Variants in CHAD observed in about 807,000 individuals in gnomAD.
CHAD encodes the protein chondroadherin, also known as cartilage leucine-rich protein.
Under a neutral mutation model 24.0 loss-of-function variants are expected in CHAD, and 18 were observed. That is an observed-to-expected ratio of 0.75 (90% CI 0.52 to 1.11). The LOEUF (loss-of-function observed/expected upper bound fraction) is 1.11, where lower values mean the gene tolerates loss of function less well. Among genes scored for constraint, CHAD ranks in the 50% most tolerant of loss-of-function variants. The pLI, the probability that CHAD is intolerant of heterozygous loss-of-function variation, is 0.00. For missense variants in CHAD, 440 were observed against 467.2 expected (o/e 0.94, Z 0.54); for synonymous variants, 195 against 211.6 (o/e 0.92, Z 0.68).
intron 1 of CHAD, 175 bp downstream of exon 1, chr17:50,467,865 T>G: frequency 3.1e-5 from 18 of 580,024 alleles, no homozygotes; most frequent in South Asian, 5.5e-5. Context: ...CAGACAGGGA[T>G]TAGGGTAGGG....
Position 50,468,095 on chromosome 17 carries a change from T to C in CHAD, c.719A>G (p.Gln240Arg). The change falls in exon 1 of 4, where the codon CAG becomes CGG. Residue 240 changes from glutamine to arginine, a missense_variant. Physicochemically the swap from Gln to Arg is conservative, Grantham distance 43. Transcript: ENST00000508540. Reference protein sequence around the residue: ...PLKSIPDNAFQSFGRYLETLW... With the variant: ...PLKSIPDNAFRSFGRYLETLW... ...GGTCTCCAGGTATCTGCCAAAGGAC[T>C]GGAAGGCATTGTCCGGGATGCTTTT... 6.2e-7 allele frequency: 1 copy of C among 1,613,402 alleles called. No individual in the cohort carries two copies. The highest frequency in any genetic ancestry group is 8.5e-7 in the Non-Finnish European group (1 of 1,179,560).
At chr17:50,466,508 A>T (rs963426974) in intron 1 of CHAD, among the ~76,000 whole-genome samples, 6 of 152,194 alleles carry the variant, frequency 3.9e-5, no homozygotes, top group Non-Finnish European at 8.8e-5. Context: ...TTCCCCTGGC[A>T]CCACAATCCC....
chr17:50,467,732 G>A (rs926541769), intron 1 of CHAD: 14 of 299,974 alleles, frequency 4.7e-5, no homozygotes, highest in African/African-American at 3.0e-4. Context: ...AGAGGTGGCT[G>A]CTGCTCACAG....
Position 50,464,765 on chromosome 17 carries a change from GACTT to G in CHAD, c.*285_*288del. 4 of 236,912 alleles carry G rather than the reference GACTT, an allele frequency of 1.7e-5. No homozygotes were observed. The highest frequency in any genetic ancestry group is 2.9e-5 in the South Asian group (1 of 33,920). 14.7% of individuals were successfully genotyped at this position (236,912 alleles called of 1,614,324 possible). On this transcript the variant is annotated 3_prime_UTR_variant, in exon 4 of 4. Transcript: ENST00000508540. ...TGACCAACCTGTTGTGGTTCTGATT[GACTT>G]GGGGGGGGGGTCTCAGCAACAGCTT...
In CHAD at chr17:50,468,470, C is replaced by T. The variant is rs778972579; in HGVS notation, c.344G>A (p.Arg115His). Residue 115 changes from arginine to histidine, a missense_variant, in exon 1 of 4, where the codon CGC (arginine) becomes CAC (histidine). Physicochemically the swap from Arg to His is conservative, Grantham distance 29. Coordinates refer to ENST00000508540, the MANE Select transcript of CHAD (RefSeq NM_001267.3). ...GGTCAGGTCGTCGAAGGCACCTGCG[C>T]GCAGCACGCGGATGTCGTTATGGGA... ...YLSHNDIRVL[R>H]AGAFDDLTEL... 11 of 1,614,100 alleles carry T rather than the reference C, an allele frequency of 6.8e-6. No homozygotes were observed. The highest frequency in any genetic ancestry group is 8.5e-6 in the Non-Finnish European group (10 of 1,180,044).
chr17:50,468,574 C>CAATG lies in CHAD; in HGVS notation c.236_239dup (p.Leu80PhefsTer31). The CAATG allele has an allele frequency of 1.9e-6, 3 of 1,614,222 alleles. No individual in the cohort carries two copies. Among genetic ancestry groups the CAATG allele is most frequent in the Non-Finnish European group, 2.5e-6 (3 of 1,180,012 alleles). On this transcript the variant is annotated frameshift_variant, in exon 1 of 4. Coordinates refer to ENST00000508540, the MANE Select transcript of CHAD (RefSeq NM_001267.3). LOFTEE classifies it high-confidence loss of function. Reference sequence around the variant, plus strand: ...CGCGGATCTGGCAGTGCTGCAGGTGCAATGACACGAGGTTCGGCATGGCCC... The same window carrying CAATG: ...CGCGGATCTGGCAGTGCTGCAGGTGCAATGAATGACACGAGGTTCGGCATGGCCC...
At chr17:50,466,146 G>A (rs567081484) in intron 1 of CHAD, among the ~76,000 whole-genome samples, 43 of 149,310 alleles carry the variant, frequency 2.9e-4, no homozygotes, top group African/African-American at 1.1e-3. Flanking sequence ...GAGCACAGTG[G>A]CACGATCTCA....
chr17:50,466,158 C>T (rs1377293339), intron 1 of CHAD, among the ~76,000 whole-genome samples: 1 of 148,484 alleles, frequency 6.7e-6, no homozygotes, highest in Non-Finnish European at 1.5e-5. Context: ...ACGATCTCAG[C>T]TCACTGCAAG....
chr17:50,468,327 GCAGCT>G lies in CHAD; in HGVS notation c.482_486del (p.Glu161AlafsTer138), dbSNP rs2032878394. On this transcript the variant is annotated frameshift_variant, in exon 1 of 4. Coordinates refer to ENST00000508540, the MANE Select transcript of CHAD (RefSeq NM_001267.3). LOFTEE classifies it high-confidence loss of function. ...TTGGCTCCCTGGAAGGCGCCTGCGC[GCAGCT>G]CACGGATCTTGTTGTTGTTGAGCTG... 6.2e-7 allele frequency: 1 copy of G among 1,614,016 alleles called. No homozygotes were observed. The highest frequency in any genetic ancestry group is 1.7e-5 in the Admixed American group (1 of 60,012).
chr17:50,468,762 G>A lies in CHAD; in HGVS notation c.52C>T (p.Pro18Ser). Residue 18 changes from proline to serine, a missense_variant, in exon 1 of 4, where the codon CCG becomes TCG. Physicochemically the swap from Pro to Ser is moderately conservative, Grantham distance 74. Transcript: ENST00000508540. ...LSLGLLAGLL[P>S]ALAACPQNCH... ...TTCTGGGGGCAGGCGGCCAGCGCCG[G>A]CAGCAGACCAGCCAGGAGGCCGAGG... 1 of 1,592,344 alleles carries A rather than the reference G, an allele frequency of 6.3e-7. No homozygotes were observed. The highest frequency in any genetic ancestry group is 8.5e-7 in the Non-Finnish European group (1 of 1,173,216).
Position 50,464,840 on chromosome 17 carries a change from A to T in CHAD, c.*214T>A. 2.8e-6 allele frequency: 1 copy of T among 352,494 alleles called. No homozygotes were observed. Among genetic ancestry groups the T allele is most frequent in the South Asian group, 2.1e-5 (1 of 46,638 alleles). 21.8% of individuals were successfully genotyped at this position (352,494 alleles called of 1,614,324 possible). A position where few individuals can be genotyped will look rare whatever the true frequency, so the allele number is the denominator to read the frequency against. On this transcript the variant is annotated 3_prime_UTR_variant, in exon 4 of 4. Transcript: ENST00000508540. ...TGGGGAAGGCATGAAGGCTGGGGAG[A>T]GGCTCAGCCTTCCTTCTCCCCAGGA...
chr17:50,465,517 G>A, intron 2 of CHAD, 78 bp from the exon 3 acceptor site: 1 of 1,543,930 alleles, frequency 6.5e-7, no homozygotes, highest in South Asian at 1.1e-5. Flanking sequence ...TATGGGGCCA[G>A]GATTGACTTG....
intron 3 of CHAD, 98 bp downstream of exon 3, chr17:50,465,196 C>T: frequency 7.0e-7 from 1 of 1,426,724 alleles, no homozygotes; most frequent in South Asian, 1.3e-5. Flanking sequence ...GGAGGGTCTG[C>T]CTGACCCTCC....
chr17:50,468,718 G>T lies in CHAD; in HGVS notation c.96C>A (p.Asp32Glu). The T allele has an allele frequency of 6.2e-7, 1 of 1,612,172 alleles. No homozygotes were observed. The highest frequency in any genetic ancestry group is 8.5e-7 in the Non-Finnish European group (1 of 1,179,880). Reference protein sequence around the residue: ...ACPQNCHCHSDLQHVICDKVG... With the variant: ...ACPQNCHCHSELQHVICDKVG... ...CCTTGTCGCAGATGACGTGCTGCAG[G>T]TCGCTGTGGCAGTGGCAGTTCTGGG... The change falls in exon 1 of 4, where the codon GAC becomes GAA. Residue 32 changes from aspartate to glutamate, a missense_variant. Physicochemically the swap from Asp to Glu is conservative, Grantham distance 45. Coordinates refer to ENST00000508540, the MANE Select transcript of CHAD (RefSeq NM_001267.3).
At chr17:50,467,894 G>A (rs1216256567) in intron 1 of CHAD, 146 bp downstream of exon 1, 3 of 724,248 alleles carry the variant, frequency 4.1e-6, no homozygotes, top group African/African-American at 1.8e-5. Flanking sequence ...AGGCGAGGAA[G>A]GGAGGTGGCA....
chr17:50,465,091 A>C, intron 3 of CHAD, 42 bp from the exon 4 acceptor site: 1 of 612,286 alleles, frequency 1.6e-6, no homozygotes, highest in South Asian at 2.0e-5. Flanking sequence ...CCAACAACAC[A>C]GATGATGCTT....
chr17:50,465,911 A>G lies in CHAD; in HGVS notation c.775-41T>C, dbSNP rs780427225. 3.7e-6 allele frequency: 6 copies of G among 1,609,438 alleles called. No homozygotes were observed. The South Asian group carries it at 5.5e-5, about 15-fold the overall frequency. Reference sequence around the variant, plus strand: ...GGAGCAAGGTGGGAGCAAGGTGGTCATGAGTGAATGAGTAAGCACCCGAGT... The same window carrying G: ...GGAGCAAGGTGGGAGCAAGGTGGTCGTGAGTGAATGAGTAAGCACCCGAGT... On this transcript the variant is annotated intron_variant, in intron 1 of 3. Coordinates refer to ENST00000508540, the MANE Select transcript of CHAD (RefSeq NM_001267.3).
Position 50,468,139 on chromosome 17 carries a change from C to T in CHAD, c.675G>A (p.Lys225=). 6.2e-7 allele frequency: 1 copy of T among 1,614,164 alleles called. No individual in the cohort carries two copies. Among genetic ancestry groups the T allele is most frequent in the Non-Finnish European group, 8.5e-7 (1 of 1,180,014 alleles). ...TGCTTTTCAGGGGGTTGTGGGACAGCTTCAGCTCCTCCACCACCCGTAGCT... is the reference window on the plus strand; with the variant it reads ...TGCTTTTCAGGGGGTTGTGGGACAGTTTCAGCTCCTCCACCACCCGTAGCT... ...LSKLRVVEEL[K]LSHNPLKSIP... is the part of the protein sequence containing the mutation. Residue 225 remains lysine, a synonymous_variant, in exon 1 of 4, where the codon AAG becomes AAA. Coordinates refer to ENST00000508540, the MANE Select transcript of CHAD (RefSeq NM_001267.3).
intron 1 of CHAD, 88 bp downstream of exon 1, chr17:50,467,951 CG>C: frequency 1.4e-6 from 2 of 1,380,104 alleles, no homozygotes; most frequent in Non-Finnish European, 2.0e-6. Flanking sequence ...AACCTGGGGA[CG>C]GGGGATGGTG....
Sources: allele counts gnomAD v4.1 joint callset (sites outside exome capture counted in the v4.1 genomes callset), GRCh38; gene constraint gnomAD v4.1.1; transcripts MANE v1.5; gene names NCBI Gene and HGNC (gene_info 2026-07-23, HGNC 2026-07-21).